The following LRRIQ1 variants were observed in gnomAD, a reference collection of about 807,000 sequenced individuals.
LRRIQ1 encodes the protein leucine rich repeats and IQ motif containing 1, also known as leucine-rich repeat- and IQ domain-containing protein 1.
In LRRIQ1, 210 loss-of-function variants were observed where a neutral mutation model predicts 211.9. The ratio of observed to expected loss-of-function variants is 0.99; its 90% confidence interval spans 0.89 to 1.11. The LOEUF is 1.11. Ranked by LOEUF, LRRIQ1 falls within the 50% of genes most tolerant of loss-of-function variation. The probability of loss-of-function intolerance (pLI) is 0.00; values close to 1 mark genes in which losing one functional copy is unlikely to be tolerated. For missense variants in LRRIQ1, 2,136 were observed against 1,939.5 expected (o/e 1.10, Z -1.90); for synonymous variants, 699 against 650.1 (o/e 1.08, Z -1.14).
chr12:85,181,466 T>A (rs574093174), intron 24 of LRRIQ1, among the ~76,000 whole-genome samples: 39 of 152,050 alleles, frequency 2.6e-4, no homozygotes, highest in Non-Finnish European at 4.4e-4. Context: ...TAACCTATGG[T>A]TCTTTGTACC....
intron 8 of LRRIQ1, among the ~76,000 whole-genome samples, chr12:85,062,012 A>G (rs1017268593): frequency 2.0e-5 from 3 of 151,818 alleles, no homozygotes; most frequent in Non-Finnish European, 2.9e-5. Flanking sequence ...ACTTACATAA[A>G]TATGTAAATT....
intron 11 of LRRIQ1, among the ~76,000 whole-genome samples, chr12:85,091,781 A>T (rs1359414983): frequency 6.6e-6 from 1 of 152,178 alleles, no homozygotes; most frequent in African/African-American, 2.4e-5. Flanking sequence ...TGCTTCTTAA[A>T]AAATTTGTTA....
In LRRIQ1 at chr12:85,046,101, C is replaced by T. The variant is rs771818423; in HGVS notation, c.418C>T (p.Pro140Ser). ...ATPDFVPEPS[P>S]HDLPMDEHVL... ...TCCTGATTTTGTTCCTGAGCCTAGTCCTCATGACTTGCCTATGGATGAACA... is the reference window on the plus strand; with the variant it reads ...TCCTGATTTTGTTCCTGAGCCTAGTTCTCATGACTTGCCTATGGATGAACA... Residue 140 changes from proline (P) to serine (S), a missense_variant, in exon 5 of 27, where the codon CCT (proline) becomes TCT (serine). Coordinates refer to ENST00000393217, the MANE Select transcript of LRRIQ1 (RefSeq NM_001079910.2). The T allele has an allele frequency of 6.2e-7, 1 of 1,609,468 alleles. No individual in the cohort carries two copies. Among genetic ancestry groups the T allele is most frequent in the Non-Finnish European group, 8.5e-7 (1 of 1,176,928 alleles).
intron 26 of LRRIQ1, among the ~76,000 whole-genome samples, chr12:85,244,029 T>C (rs1895597195): frequency 6.6e-6 from 1 of 151,628 alleles, no homozygotes; most frequent in Non-Finnish European, 1.5e-5. Flanking sequence ...TGCTTTGCTT[T>C]CCCTCATGGC....
intron 18 of LRRIQ1, among the ~76,000 whole-genome samples, chr12:85,132,883 A>G (rs1404779867): frequency 6.6e-6 from 1 of 152,158 alleles, no homozygotes; most frequent in Non-Finnish European, 1.5e-5. Flanking sequence ...TGCATGCACT[A>G]GTCATCCAGA....
intron 10 of LRRIQ1, among the ~76,000 whole-genome samples, chr12:85,067,286 G>T (rs1190581516): frequency 6.6e-6 from 1 of 151,766 alleles, no homozygotes; most frequent in Non-Finnish European, 1.5e-5. Flanking sequence ...ACTCTCATTA[G>T]CTACATACAT....
intron 16 of LRRIQ1, 70 bp downstream of exon 16, chr12:85,121,946 A>AT: frequency 7.9e-7 from 1 of 1,269,898 alleles, no homozygotes; most frequent in Non-Finnish European, 1.0e-6. Context: ...ATTTTAAAGT[A>AT]TTCTGATTAA....
intron 26 of LRRIQ1, among the ~76,000 whole-genome samples, chr12:85,235,807 A>G (rs1354199032): frequency 6.6e-6 from 1 of 152,158 alleles, no homozygotes; most frequent in Admixed American, 6.6e-5. Context: ...CCAATATTAC[A>G]ATGGTTGTTG....
rs759169846 is a variant in LRRIQ1, at chr12:85,066,806, T to G, written c.2603T>G (p.Leu868Arg). 3 of 1,600,256 alleles carry G rather than the reference T, an allele frequency of 1.9e-6. No homozygotes were observed. The highest frequency in any genetic ancestry group is 3.4e-5 in the Admixed American group (2 of 58,112). Residue 868 changes from leucine (L) to arginine (R), a missense_variant, in exon 10 of 27, where the codon CTT (leucine) becomes CGT (arginine). Leu to Arg is a moderately radical substitution (Grantham distance 102). Transcript: ENST00000393217. Reference sequence around the variant, plus strand: ...TTGGAAAATCTCTGTGTTGTTCTTCTTAATAAAAATCAACTGACTTCTCTT... The same window carrying G: ...TTGGAAAATCTCTGTGTTGTTCTTCGTAATAAAAATCAACTGACTTCTCTT... ...ENLENLCVVLLNKNQLTSLHG... is the reference protein window; with the variant it reads ...ENLENLCVVLRNKNQLTSLHG...
chr12:85,041,173 A>G (rs1317892283), intron 3 of LRRIQ1, among the ~76,000 whole-genome samples: 1 of 151,718 alleles, frequency 6.6e-6, no homozygotes, highest in East Asian at 1.9e-4. Context: ...AATATTCATG[A>G]TATGTTAAAA....
intron 20 of LRRIQ1, among the ~76,000 whole-genome samples, 188 bp downstream of exon 20, chr12:85,152,557 C>A (rs1890312475): frequency 6.6e-6 from 1 of 151,324 alleles, no homozygotes; most frequent in Non-Finnish European, 1.5e-5. Flanking sequence ...TCCTTTTTTT[C>A]TTTATTTTGG....
At chr12:85,224,523 G>T (rs1347851400) in intron 24 of LRRIQ1, among the ~76,000 whole-genome samples, 1 of 152,044 alleles carries the variant, frequency 6.6e-6, no homozygotes, top group Non-Finnish European at 1.5e-5. Context: ...AGAAAATGTG[G>T]CACATATACA....
intron 10 of LRRIQ1, among the ~76,000 whole-genome samples, 154 bp from the exon 11 acceptor site, chr12:85,072,752 CT>C (rs1014926601): frequency 6.6e-6 from 1 of 151,112 alleles, no homozygotes; most frequent in Non-Finnish European, 1.5e-5. Flanking sequence ...TATTTTTAAC[CT>C]TTTGAATCAA....
chr12:85,169,444 C>T (rs1476974150), intron 24 of LRRIQ1, among the ~76,000 whole-genome samples: 1 of 151,968 alleles, frequency 6.6e-6, no homozygotes, highest in Non-Finnish European at 1.5e-5. Context: ...TTTTCATGGC[C>T]TCCTGTTGTC....
At chr12:85,179,239 A>T (rs183803904) in intron 24 of LRRIQ1, among the ~76,000 whole-genome samples, 1 of 151,928 alleles carries the variant, frequency 6.6e-6, no homozygotes, top group East Asian at 1.9e-4. Context: ...TCTGTTCTCT[A>T]TCTTTCTCTC....
At chr12:85,204,021 G>T (rs984066732) in intron 24 of LRRIQ1, among the ~76,000 whole-genome samples, 2 of 152,124 alleles carry the variant, frequency 1.3e-5, no homozygotes, top group Non-Finnish European at 2.9e-5. Context: ...GGAAAAAATG[G>T]TTTTGTGGGC....
At chr12:85,103,283 C>A (rs1219843303) in intron 13 of LRRIQ1, among the ~76,000 whole-genome samples, 2 of 151,106 alleles carry the variant, frequency 1.3e-5, no homozygotes, top group Non-Finnish European at 3.0e-5. Flanking sequence ...TTATAATATG[C>A]ATAATTAATT....
At chr12:85,207,821 G>A (rs879773835) in intron 24 of LRRIQ1, among the ~76,000 whole-genome samples, 4 of 151,880 alleles carry the variant, frequency 2.6e-5, no homozygotes, top group African/African-American at 4.8e-5. Flanking sequence ...TTCTCTTTTG[G>A]CAAAGATCAG....
chr12:85,234,919 A>G (rs1248143103), intron 26 of LRRIQ1, among the ~76,000 whole-genome samples: 4 of 152,222 alleles, frequency 2.6e-5, no homozygotes, highest in Non-Finnish European at 5.9e-5. Flanking sequence ...TTAGTAAATC[A>G]GAAGATTATC....
Sources: gnomAD v4.1 joint callset for allele counts (sites outside exome capture counted in the v4.1 genomes callset) on GRCh38, gnomAD v4.1.1 for gene constraint, MANE v1.5 for transcripts, NCBI Gene and HGNC (gene_info 2026-07-23, HGNC 2026-07-21) for gene names.